TSNARE1: variants seen among roughly 807,000 people sequenced by gnomAD.
The protein encoded by TSNARE1 is t-SNARE domain containing 1.
Under a neutral mutation model 62.0 loss-of-function variants are expected in TSNARE1, and 49 were observed. The observed-to-expected ratio is 0.79, with a 90% CI of 0.63 to 1.00. The LOEUF is 1.00. TSNARE1 is among the 50% of genes least tolerant of loss of function. The pLI is 0.00. For synonymous variants in TSNARE1, 328 were observed against 294.4 expected (o/e 1.11, Z -1.17); for missense variants, 755 against 700.1 (o/e 1.08, Z -0.88).
chr8:142,388,974 G>C (rs998443717), intron 1 of TSNARE1, among the ~76,000 whole-genome samples: 1 of 152,194 alleles, frequency 6.6e-6, no homozygotes. Flanking sequence ...TAAAATTTCT[G>C]AGGATAAAGA....
intron 1 of TSNARE1, among the ~76,000 whole-genome samples, chr8:142,399,268 A>C: frequency 6.6e-6 from 1 of 152,238 alleles, no homozygotes; most frequent in East Asian, 1.9e-4. Flanking sequence ...TGGAATAAGA[A>C]CAGCACAGGC....
chr8:142,330,934 G>A lies in TSNARE1; in HGVS notation c.860C>T (p.Thr287Ile). 1 of 1,614,114 alleles carries A rather than the reference G, an allele frequency of 6.2e-7. No homozygotes were observed. The highest frequency in any genetic ancestry group is 8.5e-7 in the Non-Finnish European group (1 of 1,180,000). Residue 287 changes from threonine (T) to isoleucine (I), a missense_variant, in exon 6 of 14, where the codon ACA becomes ATA. Coordinates refer to ENST00000524325, the MANE Select transcript of TSNARE1 (RefSeq NM_145003.5). ...CCGAAGCTCCTGCGTGTCACTCGGTGTCCCTAAGGACTGAAGGCTCCGCTC... is the reference window on the plus strand; with the variant it reads ...CCGAAGCTCCTGCGTGTCACTCGGTATCCCTAAGGACTGAAGGCTCCGCTC... ...SLERSLQSLG[T>I]PSDTQELRDS...
intron 4 of TSNARE1, among the ~76,000 whole-genome samples, chr8:142,343,230 C>T (rs958611265): frequency 1.3e-4 from 20 of 152,324 alleles, no homozygotes; most frequent in Admixed American, 2.6e-4. Context: ...CACAGGGCGG[C>T]GCCAGCCTGT....
chr8:142,311,832 T>G (rs1483550137), intron 9 of TSNARE1, among the ~76,000 whole-genome samples: 1 of 151,902 alleles, frequency 6.6e-6, no homozygotes, highest in Non-Finnish European at 1.5e-5. Flanking sequence ...TCACCAATCC[T>G]TTTTTCTGCT....
chr8:142,352,694 A>G (rs1391432040), intron 2 of TSNARE1, among the ~76,000 whole-genome samples: 1 of 152,062 alleles, frequency 6.6e-6, no homozygotes, highest in Non-Finnish European at 1.5e-5. Flanking sequence ...AAATCGTCTG[A>G]GCCCAGGGAA....
At chr8:142,316,071 C>A (rs892630071) in intron 7 of TSNARE1, among the ~76,000 whole-genome samples, 23 of 152,226 alleles carry the variant, frequency 1.5e-4, no homozygotes, top group African/African-American at 5.1e-4. Flanking sequence ...CCATGTGGGG[C>A]CTTGCTCAGC....
intron 12 of TSNARE1, among the ~76,000 whole-genome samples, chr8:142,252,571 G>A (rs1442492970): frequency 6.6e-6 from 1 of 152,248 alleles, no homozygotes; most frequent in East Asian, 1.9e-4. Flanking sequence ...AAAGCTCCAG[G>A]CGAGGAAGAA....
At chr8:142,271,255 C>CA in intron 12 of TSNARE1, 1 of 1,027,850 alleles carries the variant, frequency 9.7e-7, no homozygotes, top group South Asian at 4.6e-5. Context: ...GTGCTTCCAC[C>CA]AGCCTCTCGA....
At chr8:142,376,846 G>C (rs1244985783) in intron 1 of TSNARE1, among the ~76,000 whole-genome samples, 2 of 152,218 alleles carry the variant, frequency 1.3e-5, no homozygotes, top group Admixed American at 6.5e-5. Flanking sequence ...AGAGAGGCCA[G>C]CCCTTCCTTG....
rs1823696827 is a variant in TSNARE1, at chr8:142,291,264, G to C, written c.1291-6779C>G. ...GGCTCTCCAGCATCGCGGTGAGGATGGCCTTGTGCTGGAGTAGGGCACCTG... is the reference window on the plus strand; with the variant it reads ...GGCTCTCCAGCATCGCGGTGAGGATCGCCTTGTGCTGGAGTAGGGCACCTG... On this transcript the variant is annotated intron_variant, in intron 10 of 13. Coordinates refer to ENST00000524325, the MANE Select transcript of TSNARE1 (RefSeq NM_145003.5). The surrounding 1 kb of genome is among the most constrained non-coding windows in gnomAD (Gnocchi z 4.8). Among the ~76,000 whole-genome samples the C allele has an allele frequency of 6.6e-6, 1 of 151,960 alleles. No homozygotes were observed. Among genetic ancestry groups the C allele is most frequent in the South Asian group, 2.1e-4 (1 of 4,808 alleles).
In TSNARE1 at chr8:142,284,119, G is replaced by GC. The variant is rs1481807895; in HGVS notation, c.1363+293_1363+294insG. 1.8e-5 allele frequency among the ~76,000 whole-genome samples: 2 copies of GC among 109,874 alleles called. 1 individual carries two copies. Among genetic ancestry groups the GC allele is most frequent in the Non-Finnish European group, 4.6e-5 (2 of 43,720 alleles). The allele number at this position is 109,874 out of a possible 152,430, so 72.1% of individuals were successfully genotyped here. On this transcript the variant is annotated intron_variant, in intron 11 of 13. Transcript: ENST00000524325. The stretch of plus-strand genomic sequence containing the variant: ...AGGCGGGGCCAGTGTCTGTCAATGA[G>GC]GAGAGGCAGGGCCAGTGTCTGTCAA...
chr8:142,282,727 A>C (rs928948954), intron 11 of TSNARE1, among the ~76,000 whole-genome samples: 1 of 85,000 alleles, frequency 1.2e-5, no homozygotes, highest in African/African-American at 4.9e-5. Flanking sequence ...AGCGGAGGGG[A>C]GGCCACTGTC....
chr8:142,382,002 A>AC (rs948431940), intron 1 of TSNARE1, among the ~76,000 whole-genome samples: 21 of 149,598 alleles, frequency 1.4e-4, no homozygotes, highest in South Asian at 8.6e-4. Flanking sequence ...GGTACCTGAC[A>AC]CCCCCCCTAC....
At chr8:142,341,986 C>A (rs1001493932) in intron 4 of TSNARE1, among the ~76,000 whole-genome samples, 1 of 152,218 alleles carries the variant, frequency 6.6e-6, no homozygotes, top group Non-Finnish European at 1.5e-5. Flanking sequence ...CAGGCCCTGC[C>A]GGCCACCTAC....
chr8:142,377,328 C>G (rs1836414577), intron 1 of TSNARE1, among the ~76,000 whole-genome samples: 1 of 151,566 alleles, frequency 6.6e-6, no homozygotes, highest in Non-Finnish European at 1.5e-5. Flanking sequence ...TCCACACACA[C>G]GAACACAGAC....
chr8:142,359,346 C>T (rs984242410), intron 1 of TSNARE1, among the ~76,000 whole-genome samples: 7 of 152,188 alleles, frequency 4.6e-5, no homozygotes, highest in South Asian at 2.1e-4. Flanking sequence ...TCCTCACCCA[C>T]GCTGGCCCGG....
intron 4 of TSNARE1, among the ~76,000 whole-genome samples, chr8:142,333,572 G>A (rs1292493745): frequency 3.3e-5 from 5 of 152,288 alleles, no homozygotes; most frequent in Non-Finnish European, 4.4e-5. Flanking sequence ...AGCACCCCTG[G>A]CTGGATATCT....
chr8:142,237,661 C>T (rs1817499180), intron 12 of TSNARE1, among the ~76,000 whole-genome samples: 1 of 152,236 alleles, frequency 6.6e-6, no homozygotes, highest in Non-Finnish European at 1.5e-5. Context: ...TACTCTCCTT[C>T]CTGCAGACAG....
At chr8:142,333,486 C>T (rs1332559445) in intron 4 of TSNARE1, among the ~76,000 whole-genome samples, 1 of 152,174 alleles carries the variant, frequency 6.6e-6, no homozygotes, top group Non-Finnish European at 1.5e-5. Context: ...CTAGAAGATG[C>T]TAGGGGTGCC....
Sources: gnomAD v4.1 joint callset for allele counts (sites outside exome capture counted in the v4.1 genomes callset) on GRCh38, gnomAD v4.1.1 for gene constraint, Gnocchi (gnomAD v3.1) non-coding constraint, MANE v1.5 for transcripts, NCBI Gene and HGNC (gene_info 2026-07-23, HGNC 2026-07-21) for gene names.